MDGA2: variants seen among roughly 807,000 people sequenced by gnomAD.
MDGA2 encodes the protein MAM domain-containing glycosylphosphatidylinositol anchor protein 2.
A neutral mutation model predicts 117.8 loss-of-function variants in MDGA2; 40 were observed. That is an observed-to-expected ratio of 0.34 (90% CI 0.26 to 0.44). The LOEUF (loss-of-function observed/expected upper bound fraction) is 0.44, where lower values mean the gene tolerates loss of function less well. Among genes scored for constraint, MDGA2 ranks in the 20% least tolerant of loss-of-function variants. The pLI is 1.00. For synonymous variants in MDGA2, 452 were observed against 439.0 expected (o/e 1.03, Z -0.37); for missense variants, 1,123 against 1,250.6 (o/e 0.90, Z 1.54).
At chr14:47,105,372 C>A (rs1195752468) in intron 5 of MDGA2, among the ~76,000 whole-genome samples, 1 of 151,838 alleles carries the variant, frequency 6.6e-6, no homozygotes, top group Non-Finnish European at 1.5e-5. Context: ...GGGCAAGAAC[C>A]CCCCACCCCT....
At chr14:47,448,359 C>T (rs1276070569) in intron 1 of MDGA2, among the ~76,000 whole-genome samples, 1 of 151,890 alleles carries the variant, frequency 6.6e-6, no homozygotes, top group African/African-American at 2.4e-5. Context: ...AGGCTGGTCT[C>T]GAACTCCTGG....
At chr14:47,529,089 C>G (rs1895037532) in intron 1 of MDGA2, among the ~76,000 whole-genome samples, 1 of 151,964 alleles carries the variant, frequency 6.6e-6, no homozygotes, top group Non-Finnish European at 1.5e-5. Flanking sequence ...AGCTCCGCCC[C>G]CCGGGTTCAC....
intron 5 of MDGA2, among the ~76,000 whole-genome samples, chr14:47,117,610 T>C (rs1459364404): frequency 6.6e-6 from 1 of 152,120 alleles, no homozygotes; most frequent in African/African-American, 2.4e-5. Context: ...ACAAAATAGA[T>C]GAGCCTTCAG....
chr14:46,972,376 A>G (rs1035169483), intron 8 of MDGA2, among the ~76,000 whole-genome samples: 1 of 152,192 alleles, frequency 6.6e-6, no homozygotes, highest in Non-Finnish European at 1.5e-5. Context: ...TCTACTTGAG[A>G]AAAGATATTG....
rs554155068 is a variant in MDGA2 at position 47,307,469 on chromosome 14, T to G, written c.281-5919A>C. Among the ~76,000 whole-genome samples, 71 of 152,132 alleles carry G rather than the reference T, an allele frequency of 4.7e-4. 1 individual carries two copies. Among genetic ancestry groups the G allele is most frequent in the Admixed American group, 2.9e-3 (44 of 15,280 alleles). On this transcript the variant is annotated intron_variant, in intron 1 of 16. Transcript: ENST00000399232. ...TCCGAGGCAGGCAGATCACCTGAGGTCAGGAGTTTGAGACCAGCCTGGCTA... is the reference window on the plus strand; with the variant it reads ...TCCGAGGCAGGCAGATCACCTGAGGGCAGGAGTTTGAGACCAGCCTGGCTA...
At chr14:46,909,389 T>A (rs552439628) in intron 10 of MDGA2, among the ~76,000 whole-genome samples, 9 of 152,264 alleles carry the variant, frequency 5.9e-5, no homozygotes, top group African/African-American at 2.2e-4. Flanking sequence ...ACATTTTTTT[T>A]CCCATGTTTT....
chr14:47,044,470 C>A (rs1889186804), intron 7 of MDGA2, among the ~76,000 whole-genome samples: 1 of 152,068 alleles, frequency 6.6e-6, no homozygotes, highest in Admixed American at 6.6e-5. Context: ...CCATGTGGAT[C>A]TATATTCTAA....
intron 2 of MDGA2, among the ~76,000 whole-genome samples, chr14:47,273,344 T>A (rs1888208305): frequency 6.6e-6 from 1 of 152,130 alleles, no homozygotes; most frequent in South Asian, 2.1e-4. Context: ...AATATTTGAA[T>A]AACAATATTT....
At chr14:47,445,286 G>A (rs897610646) in intron 1 of MDGA2, among the ~76,000 whole-genome samples, 1 of 152,090 alleles carries the variant, frequency 6.6e-6, no homozygotes, top group African/African-American at 2.4e-5. Flanking sequence ...GGAAGGAAGA[G>A]ATAAAACACA....
intron 1 of MDGA2, among the ~76,000 whole-genome samples, chr14:47,628,806 G>A (rs762490267): frequency 6.4e-4 from 98 of 152,320 alleles, no homozygotes; most frequent in Non-Finnish European, 1.3e-3. Context: ...TTTGTGCTAC[G>A]CTTAAGCGTA....
intron 1 of MDGA2, among the ~76,000 whole-genome samples, chr14:47,449,418 G>A (rs1594862262): frequency 6.6e-6 from 1 of 152,000 alleles, no homozygotes; most frequent in East Asian, 1.9e-4. Context: ...TATTTTTTGT[G>A]CCTATTATAG....
At chr14:47,535,362 C>A (rs570451183) in intron 1 of MDGA2, among the ~76,000 whole-genome samples, 1 of 152,170 alleles carries the variant, frequency 6.6e-6, no homozygotes, top group Non-Finnish European at 1.5e-5. Flanking sequence ...TAGGTTAACA[C>A]CTAACTTTGG....
At chr14:47,527,895 T>G (rs575010927) in intron 1 of MDGA2, among the ~76,000 whole-genome samples, 1 of 151,932 alleles carries the variant, frequency 6.6e-6, no homozygotes, top group South Asian at 2.1e-4. Context: ...ATAAAAGGAG[T>G]GGGTAAAAGC....
At chr14:47,588,257 T>C (rs1393868310) in intron 1 of MDGA2, among the ~76,000 whole-genome samples, 2 of 98,670 alleles carry the variant, frequency 2.0e-5, no homozygotes, top group East Asian at 1.5e-3. Flanking sequence ...TATATATATA[T>C]ATATACACAC....
At chr14:47,331,193 C>CCA (rs1890283724) in intron 1 of MDGA2, among the ~76,000 whole-genome samples, 1 of 151,004 alleles carries the variant, frequency 6.6e-6, no homozygotes, top group East Asian at 1.9e-4. Flanking sequence ...ATAAATTCCC[C>CCA]AAAATATTGA....
chr14:47,651,051 G>A (rs1326249805), intron 1 of MDGA2, among the ~76,000 whole-genome samples: 4 of 152,086 alleles, frequency 2.6e-5, no homozygotes, highest in African/African-American at 9.7e-5. Flanking sequence ...TAGAAATTCA[G>A]TGATGATTTT....
chr14:47,322,664 A>T (rs572114150), intron 1 of MDGA2, among the ~76,000 whole-genome samples: 1 of 152,214 alleles, frequency 6.6e-6, no homozygotes, highest in African/African-American at 2.4e-5. Flanking sequence ...TCCACATCTC[A>T]GATTCTATTT....
At chr14:47,502,969 GTGTCCAGCTAAACGA>G (rs756730500) in intron 1 of MDGA2, among the ~76,000 whole-genome samples, 13 of 152,182 alleles carry the variant, frequency 8.5e-5, no homozygotes, top group Non-Finnish European at 1.8e-4. Context: ...TTGAGCCACT[GTGTCCAGCTAAACGA>G]TACTTTTTAA....
chr14:47,495,109 C>G (rs944020437), intron 1 of MDGA2, among the ~76,000 whole-genome samples: 1 of 151,908 alleles, frequency 6.6e-6, no homozygotes, highest in African/African-American at 2.4e-5. Flanking sequence ...AAAATTGTCT[C>G]TTTTGCAGCA....
Sources: allele counts gnomAD v4.1 joint callset (sites outside exome capture counted in the v4.1 genomes callset), GRCh38; gene constraint gnomAD v4.1.1; transcripts MANE v1.5; gene names NCBI Gene and HGNC (gene_info 2026-07-23, HGNC 2026-07-21).